The following SP100 variants were observed in gnomAD, a reference collection of about 807,000 sequenced individuals.
SP100 encodes nuclear autoantigen Sp-100.
A neutral mutation model predicts 130.0 loss-of-function variants in SP100; 84 were observed. The ratio of observed to expected loss-of-function variants is 0.65; its 90% CI spans 0.54 to 0.77. The LOEUF is 0.77. Ranked by LOEUF, SP100 falls within the 30% of genes least tolerant of loss-of-function variation. The pLI is 0.00. For synonymous variants in SP100, 331 were observed against 351.7 expected (o/e 0.94, Z 0.66); for missense variants, 978 against 1,052.2 (o/e 0.93, Z 0.97).
chr2:230,535,600 C>T (rs925908940), intron 24 of SP100, among the ~76,000 whole-genome samples: 3 of 151,960 alleles, frequency 2.0e-5, no homozygotes, highest in African/African-American at 2.4e-5. Flanking sequence ...AATGTGTTTG[C>T]GTATGTTTAA....
chr2:230,535,801 G>A (rs1395637965), intron 24 of SP100, among the ~76,000 whole-genome samples: 2 of 149,622 alleles, frequency 1.3e-5, no homozygotes, highest in African/African-American at 4.9e-5. Context: ...CAGCTACTCG[G>A]GAGGCTGAGG....
chr2:230,479,949 C>A (rs2065755665), intron 17 of SP100, among the ~76,000 whole-genome samples: 1 of 152,238 alleles, frequency 6.6e-6, no homozygotes, highest in South Asian at 2.1e-4. Flanking sequence ...TCATGGCTTA[C>A]TCTCTGACTT....
intron 1 of SP100, 58 bp downstream of exon 1, chr2:230,416,386 G>A: frequency 6.8e-7 from 1 of 1,472,662 alleles, no homozygotes. Flanking sequence ...CAGCTTTCAT[G>A]CCTTTAGTTC....
chr2:230,480,731 C>T (rs190836836), intron 17 of SP100, among the ~76,000 whole-genome samples: 3 of 152,330 alleles, frequency 2.0e-5, no homozygotes, highest in Non-Finnish European at 2.9e-5. Flanking sequence ...CTGGTTCCTC[C>T]AGTCAAAGAG....
At chr2:230,423,639 C>A (rs1459922805) in intron 2 of SP100, among the ~76,000 whole-genome samples, 6 of 152,076 alleles carry the variant, frequency 3.9e-5, no homozygotes, top group African/African-American at 1.4e-4. Context: ...CTAATAAATG[C>A]ATTTTAGGCC....
intron 2 of SP100, among the ~76,000 whole-genome samples, chr2:230,433,958 TTC>T: frequency 6.7e-6 from 1 of 150,040 alleles, no homozygotes; most frequent in Non-Finnish European, 1.5e-5. Flanking sequence ...CAAAATCTTG[TTC>T]TGTTTACTGT....
intron 17 of SP100, among the ~76,000 whole-genome samples, chr2:230,479,947 T>C (rs78525953): frequency 0.025 from 3,745 of 152,328 alleles, 178 homozygotes; most frequent in African/African-American, 0.086. Context: ...ATTCATGGCT[T>C]ACTCTCTGAC....
chr2:230,472,345 G>A (rs957699963), intron 15 of SP100, among the ~76,000 whole-genome samples: 1 of 148,670 alleles, frequency 6.7e-6, no homozygotes, highest in African/African-American at 2.5e-5. Context: ...GGAGAATGGC[G>A]TGAACCTTGG....
rs572053630 is a variant in SP100 at position 230,464,262 on chromosome 2, A to G, written c.1141+112A>G. 7.4e-6 allele frequency: 5 copies of G among 676,936 alleles called. No homozygotes were observed. In the East Asian group the frequency reaches 8.3e-5, roughly 11 times the overall value. 41.9% of individuals were successfully genotyped at this position (676,936 alleles called of 1,614,324 possible). A position where few individuals can be genotyped will look rare whatever the true frequency, so the allele number is the denominator to read the frequency against. ...AGTGGTCTCCTTATGCCTTGATTCC[A>G]TAAATTCTAGAATATCACTTTCTAC... On this transcript the variant is annotated intron_variant, in intron 11 of 28. Transcript: ENST00000340126.
chr2:230,422,613 A>G (rs1261667888), intron 2 of SP100, among the ~76,000 whole-genome samples: 1 of 152,158 alleles, frequency 6.6e-6, no homozygotes, highest in East Asian at 1.9e-4. Context: ...CTATCTTCCA[A>G]AATGTTTGAT....
At chr2:230,430,670 C>T (rs1045492218) in intron 2 of SP100, among the ~76,000 whole-genome samples, 6 of 152,196 alleles carry the variant, frequency 3.9e-5, no homozygotes, top group African/African-American at 7.2e-5. Context: ...CCACAGGCTA[C>T]GTTCTACATT....
chr2:230,470,164 G>C, intron 15 of SP100, 66 bp downstream of exon 15: 1 of 1,543,484 alleles, frequency 6.5e-7, no homozygotes, highest in Non-Finnish European at 8.7e-7. Flanking sequence ...AAAAGCTGCT[G>C]TTTCCAGACG....
At chr2:230,426,759 G>A (rs112848182) in intron 2 of SP100, among the ~76,000 whole-genome samples, 1 of 152,042 alleles carries the variant, frequency 6.6e-6, no homozygotes, top group Non-Finnish European at 1.5e-5. Flanking sequence ...ATGTTTGTTA[G>A]GTCTATTTGA....
intron 1 of SP100, chr2:230,416,992 T>C (rs2062617454): frequency 7.7e-6 from 4 of 521,746 alleles, no homozygotes; most frequent in Non-Finnish European, 9.8e-6. Context: ...AGTAGTGAGT[T>C]GAGAAATAAC....
chr2:230,530,637 C>T (rs1691658713), intron 24 of SP100, among the ~76,000 whole-genome samples: 1 of 152,184 alleles, frequency 6.6e-6, no homozygotes, highest in South Asian at 2.1e-4. Context: ...TCAGAGTGAA[C>T]AGGCAACCTA....
At chr2:230,439,917 CTTT>C (rs1262582690) in intron 2 of SP100, among the ~76,000 whole-genome samples, 2 of 151,912 alleles carry the variant, frequency 1.3e-5, no homozygotes, top group Admixed American at 6.6e-5. Context: ...ACTATGTCTG[CTTT>C]TTATTTTTAT....
chr2:230,417,811 T>A, intron 2 of SP100, 146 bp downstream of exon 2: 1 of 1,249,736 alleles, frequency 8.0e-7, no homozygotes, highest in Non-Finnish European at 1.1e-6. Context: ...TCCGTTGAGG[T>A]GTTTGTCCTT....
intron 11 of SP100, 71 bp downstream of exon 11, chr2:230,464,221 G>T: frequency 1.0e-6 from 1 of 962,342 alleles, no homozygotes; most frequent in South Asian, 1.3e-5. Flanking sequence ...CTGTTTTCTT[G>T]ATTAATTTCA....
At chr2:230,450,582 C>A (rs2063930972) in intron 8 of SP100, among the ~76,000 whole-genome samples, 1 of 152,104 alleles carries the variant, frequency 6.6e-6, no homozygotes, top group Non-Finnish European at 1.5e-5. Flanking sequence ...ATGTATTTCT[C>A]TTATTTAACT....
Sources: allele counts gnomAD v4.1 joint callset (sites outside exome capture counted in the v4.1 genomes callset), GRCh38; gene constraint gnomAD v4.1.1; transcripts MANE v1.5; gene names NCBI Gene and HGNC (gene_info 2026-07-23, HGNC 2026-07-21).